LYPD6B: variants seen among roughly 807,000 people sequenced by gnomAD.
The protein encoded by LYPD6B is LY6/PLAUR domain containing 6B.
A neutral mutation model predicts 22.8 loss-of-function variants in LYPD6B; 17 were observed. The observed-to-expected ratio is 0.75, with a 90% CI of 0.51 to 1.12. The LOEUF (loss-of-function observed/expected upper bound fraction) is 1.12. LYPD6B is among the 50% of genes most tolerant of loss of function. The pLI is 0.00. For synonymous variants in LYPD6B, 106 were observed against 91.6 expected (o/e 1.16, Z -0.90); for missense variants, 221 against 258.3 (o/e 0.86, Z 0.99).
At position 149,093,311 on chromosome 2, in the gene LYPD6B, C is replaced by T. The variant is rs1408190126; in HGVS notation, c.-66-37572C>T. Among the ~76,000 whole-genome samples, 5 of 152,130 alleles carry T rather than the reference C, an allele frequency of 3.3e-5. No homozygotes were observed. In the East Asian group the frequency reaches 9.6e-4, roughly 29 times the overall value. On this transcript the variant is annotated intron_variant, in intron 1 of 6. Coordinates refer to ENST00000409642, the MANE Select transcript of LYPD6B (RefSeq NM_177964.5). The stretch of plus-strand genomic sequence containing the variant: ...ATGTTTGATGTAGTTTGTATTGGTC[C>T]AGATGCATATGTGGAGGAAAGGCCT...
chr2:149,058,266 G>T (rs546243435), intron 1 of LYPD6B, among the ~76,000 whole-genome samples: 2 of 152,076 alleles, frequency 1.3e-5, no homozygotes, highest in African/African-American at 2.4e-5. Flanking sequence ...GGGGTTCCTG[G>T]CCCCTACACT....
chr2:149,147,270 A>C (rs1015559408), intron 2 of LYPD6B, among the ~76,000 whole-genome samples: 6 of 152,232 alleles, frequency 3.9e-5, no homozygotes, highest in Non-Finnish European at 1.5e-5. Flanking sequence ...TTGAGGAGGA[A>C]GAGCTATTAT....
chr2:149,094,076 A>G (rs1263622309), intron 1 of LYPD6B, among the ~76,000 whole-genome samples: 1 of 152,242 alleles, frequency 6.6e-6, no homozygotes, highest in Non-Finnish European at 1.5e-5. Context: ...TAAGCATAGT[A>G]TAATAAATGA....
chr2:149,193,697 GCTT>G (rs1188497858), intron 3 of LYPD6B, among the ~76,000 whole-genome samples: 1 of 152,066 alleles, frequency 6.6e-6, no homozygotes, highest in African/African-American at 2.4e-5. Flanking sequence ...TTCAGGAGTA[GCTT>G]CTTAATTTAA....
intron 2 of LYPD6B, among the ~76,000 whole-genome samples, chr2:149,149,419 C>A (rs1260139665): frequency 1.2e-5 from 1 of 80,554 alleles, no homozygotes; most frequent in Non-Finnish European, 3.3e-5. Flanking sequence ...TCAAATCCTA[C>A]ACACACACAC....
intron 4 of LYPD6B, 38 bp from the exon 5 acceptor site, chr2:149,208,276 C>G: frequency 6.5e-7 from 1 of 1,537,992 alleles, no homozygotes. Flanking sequence ...TTTTTGTCTT[C>G]TGTAGCTTAC....
chr2:149,155,084 T>C (rs1037807025), intron 2 of LYPD6B, among the ~76,000 whole-genome samples: 1 of 152,232 alleles, frequency 6.6e-6, no homozygotes, highest in Non-Finnish European at 1.5e-5. Context: ...GTCAAGGGTA[T>C]GTTCCTTGAT....
At chr2:149,129,960 A>G (rs529338528) in intron 1 of LYPD6B, among the ~76,000 whole-genome samples, 2 of 152,314 alleles carry the variant, frequency 1.3e-5, no homozygotes, top group East Asian at 3.9e-4. Context: ...TTCTGCTTCC[A>G]CTTCATCCCA....
rs61441741 is a variant in LYPD6B, at chr2:149,147,906, C to CTGTGTGTGTGTGTGTGTGTGTGTGTGTG, written c.6-12850_6-12823dup. On this transcript the variant is annotated intron_variant, in intron 2 of 6. Transcript: ENST00000409642. ...TGATTGCAAATTTATGCACATGGGC[C>CTGTGTGTGTGTGTGTGTGTGTGTGTGTG]TGTGTGTGTGTGTGTGTGTGTGTGT... Among the ~76,000 whole-genome samples, 4 of 139,108 alleles carry CTGTGTGTGTGTGTGTGTGTGTGTGTGTG rather than the reference C, an allele frequency of 2.9e-5. 1 individual carries two copies. The highest frequency in any genetic ancestry group is 5.5e-5 in the African/African-American group (2 of 36,682). 91.3% of individuals were successfully genotyped at this position (139,108 alleles called of 152,430 possible). A position where few individuals can be genotyped will look rare whatever the true frequency, so the allele number is the denominator to read the frequency against.
intron 2 of LYPD6B, among the ~76,000 whole-genome samples, chr2:149,135,652 G>A (rs1329235280): frequency 6.1e-5 from 9 of 147,688 alleles, no homozygotes; most frequent in Admixed American, 3.4e-4. Context: ...CCTGGGAGGC[G>A]GAGCCTGCTG....
At chr2:149,165,912 A>G (rs1690390258) in intron 3 of LYPD6B, among the ~76,000 whole-genome samples, 1 of 152,206 alleles carries the variant, frequency 6.6e-6, no homozygotes, top group African/African-American at 2.4e-5. Flanking sequence ...GGTACACCCA[A>G]GTGACCAAAA....
Position 149,090,356 on chromosome 2 carries a change from G to T in LYPD6B, c.-66-40527G>T, listed in dbSNP as rs527323217. Among the ~76,000 whole-genome samples, 279 of 152,268 alleles carry T rather than the reference G, an allele frequency of 1.8e-3. 1 individual carries two copies. Among genetic ancestry groups the T allele is most frequent in the Non-Finnish European group, 3.5e-3 (240 of 68,022 alleles). Reference sequence around the variant, plus strand: ...GATATAATTTTCAACTGAACAGAGGGTCATGGTGACTTACATGGCAGAATG... The same window carrying T: ...GATATAATTTTCAACTGAACAGAGGTTCATGGTGACTTACATGGCAGAATG... On this transcript the variant is annotated intron_variant, in intron 1 of 6. Coordinates refer to ENST00000409642, the MANE Select transcript of LYPD6B (RefSeq NM_177964.5).
chr2:149,183,458 G>C (rs1191479608), intron 3 of LYPD6B, among the ~76,000 whole-genome samples: 2 of 151,662 alleles, frequency 1.3e-5, no homozygotes, highest in East Asian at 3.9e-4. Flanking sequence ...TTTTTTTCCT[G>C]AGACATTTGT....
intron 1 of LYPD6B, among the ~76,000 whole-genome samples, chr2:149,121,594 G>A (rs906462768): frequency 6.6e-6 from 1 of 152,192 alleles, no homozygotes; most frequent in African/African-American, 2.4e-5. Context: ...GGAAAGTCAT[G>A]TCCAGCTCTG....
chr2:149,162,773 T>C (rs1193466644), intron 3 of LYPD6B, among the ~76,000 whole-genome samples: 1 of 152,218 alleles, frequency 6.6e-6, no homozygotes, highest in East Asian at 1.9e-4. Flanking sequence ...CTCTATGTAC[T>C]TAAGTTTTGA....
At chr2:149,196,312 G>A (rs780821099) in intron 3 of LYPD6B, among the ~76,000 whole-genome samples, 8 of 152,258 alleles carry the variant, frequency 5.3e-5, no homozygotes, top group African/African-American at 1.4e-4. Context: ...TCTGGATTTT[G>A]TGACTATGCA....
At chr2:149,085,484 C>G (rs1685346661) in intron 1 of LYPD6B, among the ~76,000 whole-genome samples, 2 of 152,194 alleles carry the variant, frequency 1.3e-5, no homozygotes, top group Non-Finnish European at 2.9e-5. Context: ...TATTTTTTTC[C>G]AGTTTTGACT....
rs1694096178 is a variant in LYPD6B at position 149,214,882 on chromosome 2, C to T, written c.*172C>T. On this transcript the variant is annotated 3_prime_UTR_variant, in exon 7 of 7. Transcript: ENST00000409642. ...GATAAAATGTTCCCGCATGAGGCCA[C>T]AGGACTGAGGATGGGAATTTGGCAG... 2.9e-6 allele frequency: 2 copies of T among 693,468 alleles called. No homozygotes were observed. The highest frequency in any genetic ancestry group is 4.9e-6 in the Non-Finnish European group (2 of 404,444). The allele number at this position is 693,468 out of a possible 1,614,324, so 43.0% of individuals were successfully genotyped here. A position where few individuals can be genotyped will look rare whatever the true frequency, so the allele number is the denominator to read the frequency against.
At chr2:149,122,468 G>A (rs1215274973) in intron 1 of LYPD6B, among the ~76,000 whole-genome samples, 3 of 149,308 alleles carry the variant, frequency 2.0e-5, no homozygotes, top group African/African-American at 7.5e-5. Context: ...TGTGCACAAT[G>A]TGCAGGTTTG....
Sources: gnomAD v4.1 joint callset for allele counts (sites outside exome capture counted in the v4.1 genomes callset) on GRCh38, gnomAD v4.1.1 for gene constraint, MANE v1.5 for transcripts, NCBI Gene and HGNC (gene_info 2026-07-23, HGNC 2026-07-21) for gene names.